HDGFL3: variants seen among roughly 807,000 people sequenced by gnomAD.
HDGFL3 encodes hepatoma-derived growth factor-related protein 3.
In HDGFL3, 6 loss-of-function variants were observed where a neutral mutation model predicts 27.6. That is an observed-to-expected ratio of 0.22 (90% CI 0.12 to 0.43). The LOEUF is 0.43. HDGFL3 is among the 20% of genes least tolerant of loss of function. The probability of loss-of-function intolerance (pLI) is 1.00; values close to 1 mark genes in which losing one functional copy is unlikely to be tolerated. For synonymous variants in HDGFL3, 88 were observed against 88.9 expected (o/e 0.99, Z 0.05); for missense variants, 207 against 250.1 (o/e 0.83, Z 1.16).
At chr15:83,190,461 T>A (rs930134505) in intron 1 of HDGFL3, among the ~76,000 whole-genome samples, 1 of 152,198 alleles carries the variant, frequency 6.6e-6, no homozygotes, top group Non-Finnish European at 1.5e-5. Context: ...CATATCCTCT[T>A]TAACATATGA....
chr15:83,193,408 A>G (rs1051903179), intron 1 of HDGFL3, among the ~76,000 whole-genome samples: 8 of 152,196 alleles, frequency 5.3e-5, no homozygotes, highest in African/African-American at 1.9e-4. Flanking sequence ...TAGGATTCCT[A>G]CTTTGAAAAA....
At chr15:83,122,034 C>T in intron 3 of HDGFL3, 1 of 1,543,108 alleles carries the variant, frequency 6.5e-7, no homozygotes, top group East Asian at 2.3e-5. Flanking sequence ...GTTCACTTTC[C>T]TTTTCTAAAA....
At position 83,157,643 on chromosome 15, in the gene HDGFL3, C is replaced by A. The variant is rs77361090; in HGVS notation, c.301-70G>T. 0.012 allele frequency: 16,332 copies of A among 1,383,816 alleles called. 140 individuals are homozygous for A. Among genetic ancestry groups the A allele is most frequent in the Middle Eastern group, 0.016 (85 of 5,470 alleles). 85.7% of individuals were successfully genotyped at this position (1,383,816 alleles called of 1,614,324 possible). ...AGCAAAGAACAAACACTGAAAAGAA[C>A]TACTCTGTTTTCATTTGAAAGGGTT... On this transcript the variant is annotated intron_variant, in intron 3 of 5. Transcript: ENST00000299633.
intron 1 of HDGFL3, among the ~76,000 whole-genome samples, chr15:83,196,736 T>C (rs1287785440): frequency 2.6e-5 from 4 of 152,072 alleles, no homozygotes; most frequent in Non-Finnish European, 2.9e-5. Flanking sequence ...AAAAATAGAA[T>C]TGATTAACAA....
At chr15:83,151,187 G>GT (rs2036959305) in intron 5 of HDGFL3, 28 bp downstream of exon 5, 1 of 1,598,024 alleles carries the variant, frequency 6.3e-7, no homozygotes, top group African/African-American at 1.4e-5. Context: ...CTAATAGAAG[G>GT]TAAGAGAAAT....
intron 4 of HDGFL3, among the ~76,000 whole-genome samples, chr15:83,156,617 C>T (rs372433485): frequency 6.6e-6 from 1 of 152,166 alleles, no homozygotes; most frequent in South Asian, 2.1e-4. Flanking sequence ...GAAGCCTTGA[C>T]GTGTGGTAGG....
At chr15:83,145,872 T>C (rs2167600) in intron 5 of HDGFL3, among the ~76,000 whole-genome samples, 50,580 of 140,872 alleles carry the variant, frequency 0.36, 11,136 homozygotes, top group African/African-American at 0.62. Flanking sequence ...TTTTTTTTTT[T>C]TCTCTCTCTC....
intron 3 of HDGFL3, among the ~76,000 whole-genome samples, chr15:83,122,213 T>C (rs1481004736): frequency 6.6e-6 from 1 of 152,194 alleles, no homozygotes; most frequent in Non-Finnish European, 1.5e-5. Flanking sequence ...ATTGAACAAT[T>C]TGGCAGTCAA....
chr15:83,147,979 C>T (rs550540787), intron 5 of HDGFL3, among the ~76,000 whole-genome samples: 53 of 152,172 alleles, frequency 3.5e-4, no homozygotes, highest in Middle Eastern at 3.4e-3. Flanking sequence ...CCAAAACACG[C>T]GCTGTACAGA....
intron 5 of HDGFL3, among the ~76,000 whole-genome samples, chr15:83,140,835 CTA>C (rs1445140676): frequency 1.3e-5 from 2 of 152,094 alleles, no homozygotes; most frequent in Non-Finnish European, 2.9e-5. Flanking sequence ...GCAATAAATT[CTA>C]TGTTTATCTT....
At chr15:83,157,376 G>A in intron 4 of HDGFL3, 39 bp downstream of exon 4, 1 of 1,537,992 alleles carries the variant, frequency 6.5e-7, no homozygotes, top group East Asian at 2.2e-5. Context: ...TAATGGATAT[G>A]CATATAACAT....
At chr15:83,115,701 G>A in exon 4 of HDGFL3, 1 of 716,358 alleles carries the variant, frequency 1.4e-6, no homozygotes, top group Non-Finnish European at 2.5e-6. Flanking sequence ...TGTAGAAGGG[G>A]TATTCTGTTA....
rs539256059 is a variant in HDGFL3, at chr15:83,163,991, T to C, written c.161+8A>G. On this transcript the variant is annotated splice_region_variant and intron_variant, in intron 2 of 5. Transcript: ENST00000299633. The stretch of plus-strand genomic sequence containing the variant: ...CTAGAGCTGTTGAAACTATTTTTGC[T>C]AACTTACGTTTCATGGGTGCCAAAA... 6 of 1,607,796 alleles carry C rather than the reference T, an allele frequency of 3.7e-6. No homozygotes were observed. The South Asian group carries it at 6.6e-5, about 18-fold the overall frequency.
chr15:83,127,851 T>C lies in HDGFL3; in HGVS notation c.*11419A>G, dbSNP rs17841159. ...GTCACCTTCAAAATGTCCATCCAAA[T>C]TTAAGACTTCAGAATTCCACTACGC... On this transcript the variant is annotated 3_prime_UTR_variant, in exon 6 of 6. Transcript: ENST00000299633. The C allele has an allele frequency of 6.0e-4, 156 of 262,144 alleles. 2 individuals carry two copies. The East Asian group carries it at 0.016, about 27-fold the overall frequency. The allele number at this position is 262,144 out of a possible 1,614,324, so 16.2% of individuals were successfully genotyped here.
In HDGFL3 at chr15:83,141,537, G is replaced by C. The variant is rs534682030; in HGVS notation, c.607-2262C>G. ...GCCAATGATAAAATTTGAGTGTTCAGTGAAAACTAGAATTTCAAATCCTCC... is the reference window on the plus strand; with the variant it reads ...GCCAATGATAAAATTTGAGTGTTCACTGAAAACTAGAATTTCAAATCCTCC... On this transcript the variant is annotated intron_variant, in intron 5 of 5. Coordinates refer to ENST00000299633, the MANE Select transcript of HDGFL3 (RefSeq NM_016073.4). Among the ~76,000 whole-genome samples, 4 of 152,276 alleles carry C rather than the reference G, an allele frequency of 2.6e-5. No homozygotes were observed. In the East Asian group the frequency reaches 5.8e-4, roughly 22 times the overall value.
At chr15:83,120,065 C>T (rs571047434) in intron 3 of HDGFL3, 1 of 209,700 alleles carries the variant, frequency 4.8e-6, no homozygotes, top group Non-Finnish European at 9.8e-6. Flanking sequence ...CACAGCTCTG[C>T]GGCTTGGCTC....
chr15:83,204,750 G>A (rs560743942), intron 1 of HDGFL3, among the ~76,000 whole-genome samples: 1 of 152,302 alleles, frequency 6.6e-6, no homozygotes. Flanking sequence ...GTATTTGTGA[G>A]GTGAGAATTA....
chr15:83,127,441 T>C, downstream of HDGFL3: 1 of 1,613,970 alleles, frequency 6.2e-7, no homozygotes, highest in Non-Finnish European at 8.5e-7. Context: ...CCTGGATGCC[T>C]GACATCACAT....
chr15:83,148,832 A>C (rs954090974), intron 5 of HDGFL3, among the ~76,000 whole-genome samples: 26 of 152,108 alleles, frequency 1.7e-4, no homozygotes, highest in African/African-American at 6.3e-4. Context: ...AGCTAAAAAT[A>C]AGTAATACTA....
Sources: allele counts gnomAD v4.1 joint callset (sites outside exome capture counted in the v4.1 genomes callset), GRCh38; gene constraint gnomAD v4.1.1; transcripts MANE v1.5; gene names NCBI Gene and HGNC (gene_info 2026-07-23, HGNC 2026-07-21).